Variants in SLC35F3 observed in about 807,000 individuals in gnomAD.
SLC35F3 encodes the protein solute carrier family 35 member F3, also known as putative thiamine transporter SLC35F3.
In SLC35F3, 25 loss-of-function variants were observed where a neutral mutation model predicts 49.9. The ratio of observed to expected loss-of-function variants is 0.50; its 90% CI spans 0.37 to 0.70. SLC35F3 has a LOEUF of 0.70. SLC35F3 is among the 30% of genes least tolerant of loss of function. SLC35F3 has a pLI of 0.00. For synonymous variants in SLC35F3, 275 were observed against 265.4 expected, an observed-to-expected ratio of 1.04 and a Z score of -0.35; for missense variants, 525 against 639.8, an observed-to-expected ratio of 0.82 and a Z score of 1.94.
intron 2 of SLC35F3, among the ~76,000 whole-genome samples, chr1:234,123,981 C>T (rs1478697901): frequency 6.6e-6 from 1 of 152,178 alleles, no homozygotes; most frequent in Non-Finnish European, 1.5e-5. Context: ...AATGCTCACT[C>T]CTGTGAGGTT....
At chr1:234,079,290 G>A (rs2102871876) in intron 2 of SLC35F3, among the ~76,000 whole-genome samples, 1 of 152,232 alleles carries the variant, frequency 6.6e-6, no homozygotes, top group South Asian at 2.1e-4. Flanking sequence ...GAGATTAGGG[G>A]TCTAACTTCA....
At chr1:233,929,098 G>A (rs968537833) in intron 2 of SLC35F3, among the ~76,000 whole-genome samples, 4 of 150,962 alleles carry the variant, frequency 2.6e-5, no homozygotes, top group African/African-American at 9.7e-5. Context: ...GCAGTACTCT[G>A]TCTACCATGA....
At chr1:234,314,453 A>C (rs1309643304) in intron 4 of SLC35F3, among the ~76,000 whole-genome samples, 1 of 152,200 alleles carries the variant, frequency 6.6e-6, no homozygotes, top group East Asian at 1.9e-4. Flanking sequence ...AGGTAGCTCC[A>C]GGTAGCTCAA....
chr1:234,235,340 C>G (rs1000421297), intron 3 of SLC35F3, among the ~76,000 whole-genome samples: 1 of 152,220 alleles, frequency 6.6e-6, no homozygotes, highest in African/African-American at 2.4e-5. Context: ...GTGCCCAGAA[C>G]TCAGAGAGGG....
chr1:234,227,766 G>A lies in SLC35F3; in HGVS notation c.284-3651G>A, dbSNP rs1321573525. Among the ~76,000 whole-genome samples, 6 of 152,316 alleles carry A rather than the reference G, an allele frequency of 3.9e-5. No homozygotes were observed. The East Asian group carries it at 1.2e-3, about 29-fold the overall frequency. ...AAGGCAACACTTGACCTGAAATTTT[G>A]GAGGTGGGGGGCAGAATTAAACAAA... On this transcript the variant is annotated intron_variant, in intron 2 of 7. Transcript: ENST00000366618.
intron 2 of SLC35F3, among the ~76,000 whole-genome samples, chr1:234,113,736 G>A (rs10910339): frequency 0.2 from 29,895 of 152,090 alleles, 3,701 homozygotes; most frequent in Non-Finnish European, 0.28. Flanking sequence ...GATGGCATGC[G>A]TCTGTAATCC....
At chr1:233,993,116 G>A (rs1035819481) in intron 2 of SLC35F3, among the ~76,000 whole-genome samples, 1 of 152,112 alleles carries the variant, frequency 6.6e-6, no homozygotes, top group Non-Finnish European at 1.5e-5. Flanking sequence ...ACAATTAGCT[G>A]TCCACCGTGC....
At chr1:234,070,937 C>T (rs1403077446) in intron 2 of SLC35F3, among the ~76,000 whole-genome samples, 3 of 152,140 alleles carry the variant, frequency 2.0e-5, no homozygotes, top group Non-Finnish European at 2.9e-5. Context: ...GAGAGCTTAC[C>T]CTCAACTCCC....
At chr1:234,103,485 A>G (rs1430378894) in intron 2 of SLC35F3, among the ~76,000 whole-genome samples, 1 of 152,212 alleles carries the variant, frequency 6.6e-6, no homozygotes, top group Non-Finnish European at 1.5e-5. Flanking sequence ...GGCCTCTGGG[A>G]CAGCAAAGCA....
chr1:233,918,762 G>GTC (rs1270389463), intron 2 of SLC35F3, among the ~76,000 whole-genome samples: 8 of 148,022 alleles, frequency 5.4e-5, no homozygotes, highest in Non-Finnish European at 9.0e-5. Context: ...GTGAGACTCC[G>GTC]TCTCTCTCTC....
chr1:234,079,455 G>C (rs1297656598), intron 2 of SLC35F3, among the ~76,000 whole-genome samples: 4 of 152,126 alleles, frequency 2.6e-5, no homozygotes, highest in African/African-American at 9.7e-5. Context: ...TTGGACTTCA[G>C]AGTAAAAAGA....
At chr1:234,043,510 CAA>C (rs575448023) in intron 2 of SLC35F3, among the ~76,000 whole-genome samples, 71 of 152,228 alleles carry the variant, frequency 4.7e-4, no homozygotes, top group African/African-American at 1.7e-3. Context: ...CTGGCATGCT[CAA>C]AGACAGTGGG....
chr1:234,259,719 T>C (rs1405803975), intron 3 of SLC35F3, among the ~76,000 whole-genome samples: 1 of 151,786 alleles, frequency 6.6e-6, no homozygotes, highest in East Asian at 1.9e-4. Flanking sequence ...TATCTCCTGA[T>C]TTACACTCAC....
At chr1:234,019,672 C>T (rs1285314555) in intron 2 of SLC35F3, among the ~76,000 whole-genome samples, 2 of 152,204 alleles carry the variant, frequency 1.3e-5, no homozygotes, top group Non-Finnish European at 2.9e-5. Flanking sequence ...AGCTTCACAG[C>T]AACATCTAGA....
At chr1:234,266,004 C>A (rs1184162596) in intron 3 of SLC35F3, among the ~76,000 whole-genome samples, 1 of 152,162 alleles carries the variant, frequency 6.6e-6, no homozygotes, top group Non-Finnish European at 1.5e-5. Flanking sequence ...TTTTCCTGAC[C>A]CTACAGCTCA....
chr1:234,202,279 T>G (rs1364730058), intron 2 of SLC35F3, among the ~76,000 whole-genome samples: 6 of 150,708 alleles, frequency 4.0e-5, no homozygotes, highest in Non-Finnish European at 8.9e-5. Flanking sequence ...AGAAATAAAA[T>G]AAAATAAAAC....
chr1:233,953,608 C>T (rs911432450), intron 2 of SLC35F3, among the ~76,000 whole-genome samples: 1 of 152,218 alleles, frequency 6.6e-6, no homozygotes, highest in African/African-American at 2.4e-5. Flanking sequence ...GGATGCACCA[C>T]GCTGCCTTGG....
At chr1:234,100,068 ATCTTAAT>A (rs1665191718) in intron 2 of SLC35F3, among the ~76,000 whole-genome samples, 1 of 152,246 alleles carries the variant, frequency 6.6e-6, no homozygotes, top group African/African-American at 2.4e-5. Context: ...GGTGTTGTGA[ATCTTAAT>A]TCTTAATCAA....
At chr1:234,134,936 G>A (rs994263502) in intron 2 of SLC35F3, among the ~76,000 whole-genome samples, 1 of 152,018 alleles carries the variant, frequency 6.6e-6, no homozygotes, top group Non-Finnish European at 1.5e-5. Context: ...GGCCAGGCTG[G>A]TCTTGAACTC....
Sources: allele counts gnomAD v4.1 joint callset (sites outside exome capture counted in the v4.1 genomes callset), GRCh38; gene constraint gnomAD v4.1.1; transcripts MANE v1.5; gene names NCBI Gene and HGNC (gene_info 2026-07-23, HGNC 2026-07-21).